METTL3: variants seen among roughly 807,000 people sequenced by gnomAD.
METTL3 encodes methyltransferase 3, N6-adenosine-methyltransferase complex catalytic subunit.
A neutral mutation model predicts 64.3 loss-of-function variants in METTL3; 42 were observed. The observed-to-expected ratio is 0.65, with a 90% CI of 0.51 to 0.84. METTL3 has a LOEUF of 0.84. METTL3 is among the 40% of genes least tolerant of loss of function. METTL3 has a pLI of 0.00. For missense variants in METTL3, 435 were observed against 722.3 expected (o/e 0.60, Z 4.56); for synonymous variants, 256 against 263.6 (o/e 0.97, Z 0.28).
At chr14:21,499,190 C>T in intron 9 of METTL3, 53 bp from the exon 10 acceptor site, 1 of 1,579,744 alleles carries the variant, frequency 6.3e-7, no homozygotes, top group Non-Finnish European at 8.7e-7. Context: ...GCAATTCTAG[C>T]CCTTTCTATT....
rs1248792816 is a variant in METTL3 at position 21,503,732 on chromosome 14, G to A, written c.250C>T (p.His84Tyr). ...GTTAAGGCCAGATCAGAGAGGTGGT[G>A]TAGCAACTTCTTCTCTAACTCAGGA... ...TDPELEKKLL[H>Y]HLSDLALTLP... Residue 84 changes from histidine (H) to tyrosine (Y), a missense_variant, in exon 2 of 11, where the codon CAC becomes TAC. His to Tyr is a moderately conservative substitution (Grantham distance 83, BLOSUM62 2). Coordinates refer to ENST00000298717, the MANE Select transcript of METTL3 (RefSeq NM_019852.5). 61 of 1,614,136 alleles carry A rather than the reference G, an allele frequency of 3.8e-5. No individual in the cohort carries two copies. The East Asian group carries it at 1.3e-3, about 35-fold the overall frequency.
intron 9 of METTL3, 71 bp from the exon 10 acceptor site, chr14:21,499,208 T>C (rs1192727010): frequency 4.4e-6 from 7 of 1,578,376 alleles, no homozygotes; most frequent in Middle Eastern, 1.7e-4. Flanking sequence ...ATTATGTTTA[T>C]GATCTAAATG....
chr14:21,506,843 A>C (rs1566495774), intron 1 of METTL3, among the ~76,000 whole-genome samples: 1 of 152,180 alleles, frequency 6.6e-6, no homozygotes, highest in African/African-American at 2.4e-5. Context: ...GCAACATGGC[A>C]AAACCCTGTT....
At chr14:21,505,696 G>A (rs1397534128) in intron 1 of METTL3, among the ~76,000 whole-genome samples, 2 of 152,032 alleles carry the variant, frequency 1.3e-5, no homozygotes, top group Non-Finnish European at 2.9e-5. Flanking sequence ...CCTAAAACCG[G>A]TTACTGTCCA....
Position 21,498,385 on chromosome 14 carries a change from A to AG in METTL3, c.1632-17dup, listed in dbSNP as rs746120117. The AG allele has an allele frequency of 1.7e-5, 28 of 1,612,718 alleles. No homozygotes were observed. Among genetic ancestry groups the AG allele is most frequent in the Non-Finnish European group, 2.3e-5 (27 of 1,179,542 alleles). ...AAGGGTGATCCTGAAACAGTGTAAAAGGAGGGGCAAACCAGAAATCCTGGA... is the reference window on the plus strand; with the variant it reads ...AAGGGTGATCCTGAAACAGTGTAAAAGGGAGGGGCAAACCAGAAATCCTGGA... On this transcript the variant is annotated splice_polypyrimidine_tract_variant and intron_variant, in intron 10 of 10. Coordinates refer to ENST00000298717, the MANE Select transcript of METTL3 (RefSeq NM_019852.5).
In METTL3 at chr14:21,511,294, G is replaced by T. The variant is rs527760070; in HGVS notation, c.-71C>A. ...TAGCACCTCCCAGCACTCGCTCCAG[G>T]ATATAGCCAATTCTCACGCGGACAC... is the stretch of plus-strand genomic sequence containing the variant. On this transcript the variant is annotated 5_prime_UTR_variant, in exon 1 of 11. Coordinates refer to ENST00000298717, the MANE Select transcript of METTL3 (RefSeq NM_019852.5). 1.5e-5 allele frequency: 23 copies of T among 1,541,034 alleles called. No individual in the cohort carries two copies. The East Asian group carries it at 5.6e-4, about 38-fold the overall frequency.
chr14:21,499,456 G>C (rs1467247808), intron 8 of METTL3, 36 bp downstream of exon 8: 2 of 1,606,426 alleles, frequency 1.2e-6, no homozygotes, highest in Non-Finnish European at 1.7e-6. Context: ...TCTTCTTTGT[G>C]CTCCACCTAT....
chr14:21,511,113 C>T lies in METTL3; in HGVS notation c.100+11G>A, dbSNP rs1891825851. ...CGGTTGAGCCTCGGCCCCAACAGCCCAGTGCCTCACCCAAGTGCCCCGAGT... is the reference window on the plus strand; with the variant it reads ...CGGTTGAGCCTCGGCCCCAACAGCCTAGTGCCTCACCCAAGTGCCCCGAGT... On this transcript the variant is annotated intron_variant, in intron 1 of 10. Transcript: ENST00000298717. The T allele has an allele frequency of 1.9e-6, 3 of 1,613,544 alleles. No individual in the cohort carries two copies. The highest frequency in any genetic ancestry group is 2.7e-5 in the African/African-American group (2 of 74,906).
Position 21,511,315 on chromosome 14 carries a change from G to C in METTL3, c.-92C>G, listed in dbSNP as rs1232523951. ...CCAGGATATAGCCAATTCTCACGCG[G>C]ACACCCCGAAGGCTAACCGGAAAAT... On this transcript the variant is annotated 5_prime_UTR_variant, in exon 1 of 11. Transcript: ENST00000298717. 6.7e-7 allele frequency: 1 copy of C among 1,501,230 alleles called. No homozygotes were observed. The highest frequency in any genetic ancestry group is 1.4e-5 in the African/African-American group (1 of 71,576). The allele number at this position is 1,501,230 out of a possible 1,614,324, so 93.0% of individuals were successfully genotyped here.
intron 1 of METTL3, among the ~76,000 whole-genome samples, chr14:21,507,060 A>G (rs984813976): frequency 2.6e-5 from 4 of 152,098 alleles, no homozygotes; most frequent in Admixed American, 1.3e-4. Flanking sequence ...GGACACCTGT[A>G]GTCACAACTA....
intron 3 of METTL3, chr14:21,502,967 C>T: frequency 1.7e-6 from 1 of 583,994 alleles, no homozygotes. Flanking sequence ...TGGCCTCTAC[C>T]CCCACTAGAT....
intron 5 of METTL3, 62 bp downstream of exon 5, chr14:21,500,851 T>C: frequency 6.6e-7 from 1 of 1,519,672 alleles, no homozygotes. Flanking sequence ...TCTTAACGTG[T>C]ATGGCTGCCC....
chr14:21,511,026 G>T, intron 1 of METTL3, 98 bp downstream of exon 1: 1 of 1,363,864 alleles, frequency 7.3e-7, no homozygotes, highest in African/African-American at 1.5e-5. Flanking sequence ...TTATAGAAAT[G>T]GCCGTTTGGT....
intron 4 of METTL3, 138 bp downstream of exon 4, chr14:21,501,590 C>T (rs970819787): frequency 2.6e-5 from 27 of 1,047,392 alleles, no homozygotes; most frequent in Non-Finnish European, 3.5e-5. Flanking sequence ...TGAAAGTACA[C>T]CTTCAGGGTC....
chr14:21,500,125 C>T (rs1226534485), intron 6 of METTL3, among the ~76,000 whole-genome samples: 2 of 152,098 alleles, frequency 1.3e-5, no homozygotes, highest in South Asian at 2.1e-4. Context: ...TTTAGGAGCT[C>T]GAGGTGAGTG....
intron 3 of METTL3, 91 bp downstream of exon 3, chr14:21,503,082 T>C (rs774887485): frequency 3.1e-5 from 42 of 1,371,674 alleles, no homozygotes; most frequent in Non-Finnish European, 3.8e-5. Context: ...GAACCACTGC[T>C]GTAAACAGTT....
chr14:21,503,073 A>C (rs1891608713), intron 3 of METTL3, 100 bp downstream of exon 3: 1 of 1,304,804 alleles, frequency 7.7e-7, no homozygotes. Context: ...CCCAGTTGAG[A>C]ACCACTGCTG....
rs771270590 is a variant in METTL3 at position 21,500,914 on chromosome 14, T to G, written c.1115A>C (p.Gln372Pro). ...DSSADRLFPP[Q>P]WICCDIRYLD... is the part of the protein sequence containing the mutation. ...CGAGTTTTCTGAGCAGACAGGTACC[T>G]GAGGTGGGAAGAGTCGGTCTGCACT... Residue 372 changes from glutamine to proline, a missense_variant and splice_region_variant, in exon 5 of 11, where the codon CAG (glutamine) becomes CCG (proline). Coordinates refer to ENST00000298717, the MANE Select transcript of METTL3 (RefSeq NM_019852.5). 2.5e-6 allele frequency: 4 copies of G among 1,612,762 alleles called. No individual in the cohort carries two copies. The South Asian group carries it at 4.4e-5, about 18-fold the overall frequency.
intron 9 of METTL3, 62 bp downstream of exon 9, chr14:21,499,244 C>T (rs769895348): frequency 1.1e-4 from 178 of 1,601,060 alleles, no homozygotes; most frequent in Non-Finnish European, 5.8e-5. Context: ...GAGAATACAC[C>T]CAACATGAAT....
Sources: allele counts gnomAD v4.1 joint callset (sites outside exome capture counted in the v4.1 genomes callset), GRCh38; gene constraint gnomAD v4.1.1; transcripts MANE v1.5; gene names NCBI Gene and HGNC (gene_info 2026-07-23, HGNC 2026-07-21).